Variants in PIK3R1 observed in about 807,000 individuals in gnomAD.
PIK3R1 encodes phosphoinositide-3-kinase regulatory subunit 1.
PIK3R1 carries 29 observed loss-of-function variants against 98.0 expected under a neutral mutation model. The ratio of observed to expected loss-of-function variants is 0.30; its 90% CI spans 0.22 to 0.40. The LOEUF (loss-of-function observed/expected upper bound fraction) is 0.40, where lower values mean the gene tolerates loss of function less well. PIK3R1 is among the 10% of genes least tolerant of loss of function. The pLI is 1.00. For synonymous variants in PIK3R1, 282 were observed against 311.8 expected (o/e 0.90, Z 1.01); for missense variants, 596 against 872.7 (o/e 0.68, Z 3.99).
At chr5:68,284,977 C>T (rs1053253126) in intron 7 of PIK3R1, among the ~76,000 whole-genome samples, 2 of 152,132 alleles carry the variant, frequency 1.3e-5, no homozygotes, top group African/African-American at 4.8e-5. Context: ...CTTAACTTGT[C>T]GTTTGGCTTT....
chr5:68,260,094 T>C (rs531080677), intron 2 of PIK3R1, among the ~76,000 whole-genome samples: 20 of 152,204 alleles, frequency 1.3e-4, no homozygotes, highest in Non-Finnish European at 2.6e-4. Context: ...GTTGTGTATA[T>C]TGGCCATGAT....
At chr5:68,227,604 G>C (rs1201752319) in intron 2 of PIK3R1, among the ~76,000 whole-genome samples, 2 of 152,160 alleles carry the variant, frequency 1.3e-5, no homozygotes, top group Non-Finnish European at 2.9e-5. Context: ...GATTTGTATG[G>C]AAAAATGTAG....
intron 1 of PIK3R1, among the ~76,000 whole-genome samples, chr5:68,224,680 C>T (rs1396955425): frequency 6.6e-6 from 1 of 152,180 alleles, no homozygotes; most frequent in Non-Finnish European, 1.5e-5. Context: ...TTTGATATAG[C>T]CCACTGAAAT....
chr5:68,231,235 C>G (rs768321425), intron 2 of PIK3R1, among the ~76,000 whole-genome samples: 7 of 152,064 alleles, frequency 4.6e-5, no homozygotes, highest in Non-Finnish European at 8.8e-5. Flanking sequence ...GAGTCTGTGC[C>G]CATGTTAGTT....
intron 7 of PIK3R1, among the ~76,000 whole-genome samples, chr5:68,283,754 G>T (rs1372138437): frequency 6.6e-6 from 1 of 152,222 alleles, no homozygotes; most frequent in Non-Finnish European, 1.5e-5. Flanking sequence ...TACCCGGCCA[G>T]TATGGGCCCA....
chr5:68,277,362 T>C (rs888756059), intron 4 of PIK3R1, among the ~76,000 whole-genome samples: 1 of 152,226 alleles, frequency 6.6e-6, no homozygotes, highest in Non-Finnish European at 1.5e-5. Context: ...CTCCCACACT[T>C]GTTAAACATG....
intron 2 of PIK3R1, among the ~76,000 whole-genome samples, chr5:68,245,205 T>G (rs879930475): frequency 3.9e-5 from 6 of 152,244 alleles, no homozygotes; most frequent in Non-Finnish European, 8.8e-5. Context: ...TACATAAGTA[T>G]ATCAGCAAAT....
At position 68,253,844 on chromosome 5, in the gene PIK3R1, T is replaced by G. The variant is rs1024274363; in HGVS notation, c.335-19546T>G. On this transcript the variant is annotated intron_variant, in intron 2 of 15. Coordinates refer to ENST00000521381, the MANE Select transcript of PIK3R1 (RefSeq NM_181523.3). ...TCATACATCCTTTGGTGTAGTCATA[T>G]TCTCTCAGCACTTGACTAAGCAGGT... 7.2e-5 allele frequency among the ~76,000 whole-genome samples: 11 copies of G among 152,210 alleles called. No individual in the cohort carries two copies. The East Asian group carries it at 2.1e-3, about 29-fold the overall frequency.
intron 7 of PIK3R1, among the ~76,000 whole-genome samples, chr5:68,284,440 G>C (rs1299082059): frequency 6.6e-6 from 1 of 152,204 alleles, no homozygotes; most frequent in Non-Finnish European, 1.5e-5. Flanking sequence ...TGAATATGTG[G>C]CTTGGTGAAT....
chr5:68,259,211 ATAAT>A (rs1277246267), intron 2 of PIK3R1, among the ~76,000 whole-genome samples: 1 of 152,226 alleles, frequency 6.6e-6, no homozygotes, highest in Non-Finnish European at 1.5e-5. Flanking sequence ...TATCTGCTTA[ATAAT>A]TTTTATATTG....
At chr5:68,270,271 G>A (rs577179254) in intron 2 of PIK3R1, among the ~76,000 whole-genome samples, 67 of 152,198 alleles carry the variant, frequency 4.4e-4, no homozygotes, top group African/African-American at 1.5e-3. Context: ...ACAAAGGAAA[G>A]CAAGGAAGTT....
intron 2 of PIK3R1, among the ~76,000 whole-genome samples, chr5:68,246,245 T>C (rs1745077702): frequency 6.6e-6 from 1 of 152,130 alleles, no homozygotes; most frequent in African/African-American, 2.4e-5. Context: ...GTCATAATAA[T>C]GTCAAAACTA....
intron 1 of PIK3R1, among the ~76,000 whole-genome samples, chr5:68,219,727 TAGAA>T (rs1561254246): frequency 6.6e-6 from 1 of 152,212 alleles, no homozygotes; most frequent in Non-Finnish European, 1.5e-5. Flanking sequence ...AGGATTCACT[TAGAA>T]CTGTTTGCAG....
intron 2 of PIK3R1, among the ~76,000 whole-genome samples, chr5:68,251,798 C>A (rs1745319308): frequency 6.6e-6 from 1 of 152,170 alleles, no homozygotes. Flanking sequence ...ACACAGTTGA[C>A]TGCATTATGA....
chr5:68,276,637 A>C (rs907895610), intron 4 of PIK3R1, among the ~76,000 whole-genome samples: 1 of 152,234 alleles, frequency 6.6e-6, no homozygotes, highest in Non-Finnish European at 1.5e-5. Context: ...GGCCAGTTTC[A>C]ATGCAGAAAA....
chr5:68,232,419 C>A (rs1317794562), intron 2 of PIK3R1, among the ~76,000 whole-genome samples: 2 of 152,152 alleles, frequency 1.3e-5, no homozygotes, highest in African/African-American at 2.4e-5. Context: ...AGGGTTCTTA[C>A]CCTGAGCTGG....
chr5:68,257,924 A>AAG, intron 2 of PIK3R1, among the ~76,000 whole-genome samples: 1 of 152,362 alleles, frequency 6.6e-6, no homozygotes, highest in South Asian at 2.1e-4. Flanking sequence ...TGCCACTTCC[A>AAG]GTTTCTGACA....
intron 2 of PIK3R1, among the ~76,000 whole-genome samples, chr5:68,232,504 G>A (rs781752050): frequency 1.4e-4 from 21 of 152,192 alleles, no homozygotes; most frequent in Non-Finnish European, 2.6e-4. Flanking sequence ...CCAGAGGGGA[G>A]AGGAAGGCAT....
chr5:68,220,575 G>A (rs1442886666), intron 1 of PIK3R1, among the ~76,000 whole-genome samples: 2 of 152,184 alleles, frequency 1.3e-5, no homozygotes, highest in Non-Finnish European at 1.5e-5. Context: ...GCTGCTTTCT[G>A]AAGAGCCCTA....
Sources: gnomAD v4.1 joint callset for allele counts (sites outside exome capture counted in the v4.1 genomes callset) on GRCh38, gnomAD v4.1.1 for gene constraint, MANE v1.5 for transcripts, NCBI Gene and HGNC (gene_info 2026-07-23, HGNC 2026-07-21) for gene names.